The following BTBD3 variants were observed in gnomAD, a reference collection of about 807,000 sequenced individuals.
BTBD3 encodes the protein BTB domain containing 3.
A neutral mutation model predicts 41.6 loss-of-function variants in BTBD3; 14 were observed. The ratio of observed to expected loss-of-function variants is 0.34; its 90% confidence interval spans 0.22 to 0.53. The LOEUF is 0.53. BTBD3 is among the 20% of genes least tolerant of loss of function. The pLI, the probability that BTBD3 is intolerant of heterozygous loss-of-function variation, is 0.95. For missense variants in BTBD3, 426 were observed against 654.7 expected, an observed-to-expected ratio of 0.65 and a Z score of 3.81; for synonymous variants, 249 against 233.7, an observed-to-expected ratio of 1.07 and a Z score of -0.60.
intron 1 of BTBD3, among the ~76,000 whole-genome samples, chr20:11,898,990 T>C (rs538514377): frequency 6.6e-6 from 1 of 152,320 alleles, no homozygotes; most frequent in African/African-American, 2.4e-5. Context: ...TGGCATCACC[T>C]GGGAGCTTTT....
At chr20:11,894,291 A>G (rs570030243) in intron 1 of BTBD3, among the ~76,000 whole-genome samples, 1 of 152,326 alleles carries the variant, frequency 6.6e-6, no homozygotes, top group Admixed American at 6.5e-5. Context: ...GGATTTACTC[A>G]GGTTAGATTT....
In BTBD3 at chr20:11,923,669, A is replaced by T; in HGVS notation, c.*3A>T. 6.3e-7 allele frequency: 1 copy of T among 1,576,780 alleles called. No individual in the cohort carries two copies. The highest frequency in any genetic ancestry group is 8.6e-7 in the Non-Finnish European group (1 of 1,160,568). ...CTGAACTTATATTCTATGCTTGAAA[A>T]CTCACTTCCTGAAGCAGCTTGAGCT... On this transcript the variant is annotated 3_prime_UTR_variant, in exon 4 of 4. Coordinates refer to ENST00000378226, the MANE Select transcript of BTBD3 (RefSeq NM_014962.4). The surrounding 1 kb of genome is among the most constrained non-coding windows in gnomAD (Gnocchi z 5.3).
rs1020509150 is a variant in BTBD3 at position 11,922,569 on chromosome 20, A to G, written c.537-65A>G. 9 of 1,448,204 alleles carry G rather than the reference A, an allele frequency of 6.2e-6. No homozygotes were observed. In the African/African-American group the frequency reaches 1.1e-4, roughly 18 times the overall value. 89.7% of individuals were successfully genotyped at this position (1,448,204 alleles called of 1,614,324 possible). A position where few individuals can be genotyped will look rare whatever the true frequency, so the allele number is the denominator to read the frequency against. ...TCAGAACAAACTTGAAAGTGGTTGT[A>G]TCTTTTCTTGCTGGATGTACTCATT... On this transcript the variant is annotated intron_variant, in intron 3 of 3. Transcript: ENST00000378226.
Position 11,923,754 on chromosome 20 carries a change from C to G in BTBD3, c.*88C>G, listed in dbSNP as rs1055785303. On this transcript the variant is annotated 3_prime_UTR_variant, in exon 4 of 4. Coordinates refer to ENST00000378226, the MANE Select transcript of BTBD3 (RefSeq NM_014962.4). This position sits in a 1 kb window ranked among gnomAD's most constrained non-coding sequence, Gnocchi z 5.3. ...CTTAGCTCATCTGCAAATATGTGAT[C>G]AGTGCCGGTAATTTGTAATGAATGA... is the stretch of plus-strand genomic sequence containing the variant. 7.9e-6 allele frequency: 10 copies of G among 1,261,986 alleles called. No individual in the cohort carries two copies. The highest frequency in any genetic ancestry group is 9.9e-6 in the Non-Finnish European group (9 of 908,894). The allele number at this position is 1,261,986 out of a possible 1,614,324, so 78.2% of individuals were successfully genotyped here. A position where few individuals can be genotyped will look rare whatever the true frequency, so the allele number is the denominator to read the frequency against.
At chr20:11,891,609 G>A (rs1051249952) in intron 1 of BTBD3, among the ~76,000 whole-genome samples, 6 of 152,138 alleles carry the variant, frequency 3.9e-5, no homozygotes, top group Non-Finnish European at 8.8e-5. Context: ...TGGCATTTGT[G>A]GCCCGTTTGC....
chr20:11,914,525 T>C (rs979236949), upstream of BTBD3, among the ~76,000 whole-genome samples: 18 of 152,130 alleles, frequency 1.2e-4, no homozygotes, highest in African/African-American at 4.1e-4. Context: ...TGGTGGTCCC[T>C]AGTCTGAATT....
Position 11,923,398 on chromosome 20 carries a change from T to C in BTBD3, c.1301T>C (p.Val434Ala). 1 of 1,614,200 alleles carries C rather than the reference T, an allele frequency of 6.2e-7. No individual in the cohort carries two copies. Among genetic ancestry groups the C allele is most frequent in the Non-Finnish European group, 8.5e-7 (1 of 1,180,028 alleles). Reference sequence around the variant, plus strand: ...ATTGAACTTAAGCGGCAGGGCGTTGTCCTGGGGCAGAACTTGAGCAAGTAC... The same window carrying C: ...ATTGAACTTAAGCGGCAGGGCGTTGCCCTGGGGCAGAACTTGAGCAAGTAC... ...AKIELKRQGV[V>A]LGQNLSKYFS... Residue 434 changes from valine to alanine, a missense_variant, in exon 4 of 4, where the codon GTC (valine) becomes GCC (alanine). Coordinates refer to ENST00000378226, the MANE Select transcript of BTBD3 (RefSeq NM_014962.4). This position sits in a 1 kb window ranked among gnomAD's most constrained non-coding sequence, Gnocchi z 5.3.
Position 11,923,671 on chromosome 20 carries a change from T to G in BTBD3, c.*5T>G, listed in dbSNP as rs1353718164. The stretch of plus-strand genomic sequence containing the variant: ...GAACTTATATTCTATGCTTGAAAAC[T>G]CACTTCCTGAAGCAGCTTGAGCTCC... On this transcript the variant is annotated 3_prime_UTR_variant, in exon 4 of 4. Transcript: ENST00000378226. This position sits in a 1 kb window ranked among gnomAD's most constrained non-coding sequence, Gnocchi z 5.3. 6.3e-7 allele frequency: 1 copy of G among 1,579,430 alleles called. No homozygotes were observed. Among genetic ancestry groups the G allele is most frequent in the Non-Finnish European group, 8.6e-7 (1 of 1,162,216 alleles).
intron 1 of BTBD3, among the ~76,000 whole-genome samples, chr20:11,895,509 G>A (rs1041826914): frequency 3.3e-5 from 5 of 152,102 alleles, no homozygotes; most frequent in Non-Finnish European, 7.4e-5. Context: ...GTCTTCTTGG[G>A]CTGGTCAGAG....
chr20:11,901,187 G>T (rs1313296793), intron 1 of BTBD3, among the ~76,000 whole-genome samples: 1 of 152,204 alleles, frequency 6.6e-6, no homozygotes, highest in South Asian at 2.1e-4. Flanking sequence ...CAGGATGCAG[G>T]TTCAGGCTAC....
At chr20:11,891,695 C>G (rs1239384268) in intron 1 of BTBD3, among the ~76,000 whole-genome samples, 1 of 152,174 alleles carries the variant, frequency 6.6e-6, no homozygotes, top group African/African-American at 2.4e-5. Context: ...GCTTTTACCT[C>G]CTGGCCTTTT....
chr20:11,897,750 T>C (rs980929516), intron 1 of BTBD3, among the ~76,000 whole-genome samples: 2 of 152,232 alleles, frequency 1.3e-5, no homozygotes, highest in African/African-American at 4.8e-5. Flanking sequence ...TGATTTTCCA[T>C]CTGCTTAACA....
chr20:11,898,117 G>A (rs796638955), intron 1 of BTBD3, among the ~76,000 whole-genome samples: 14 of 152,266 alleles, frequency 9.2e-5, no homozygotes, highest in African/African-American at 3.1e-4. Flanking sequence ...AGCCGAGATC[G>A]TGCCATTGCA....
intron 2 of BTBD3, 184 bp downstream of exon 2, chr20:11,919,360 T>C (rs2056945315): frequency 2.1e-6 from 3 of 1,416,194 alleles, no homozygotes; most frequent in Admixed American, 3.0e-5. Context: ...TGTTTCCTTC[T>C]ATACTGCTTT....
In BTBD3 at chr20:11,922,838, G is replaced by C. The variant is rs2056982880; in HGVS notation, c.741G>C (p.Val247=). The change falls in exon 4 of 4, where the codon GTG becomes GTC. Residue 247 remains valine (V), a synonymous_variant. Coordinates refer to ENST00000378226, the MANE Select transcript of BTBD3 (RefSeq NM_014962.4). ...ACCTGACCCAGCGTTGCTGGGAGGT[G>C]ATTGATGCCCAGGCTGAGTTAGCTC... ...EPDLTQRCWE[V]IDAQAELALK... is the part of the protein sequence containing the mutation. The C allele has an allele frequency of 1.2e-6, 2 of 1,614,106 alleles. No individual in the cohort carries two copies. The highest frequency in any genetic ancestry group is 2.7e-5 in the African/African-American group (2 of 74,926).
At chr20:11,902,467 A>T (rs1258647907) in intron 1 of BTBD3, among the ~76,000 whole-genome samples, 1 of 152,104 alleles carries the variant, frequency 6.6e-6, no homozygotes, top group Non-Finnish European at 1.5e-5. Context: ...TATGGGTCTC[A>T]TGATGTTATT....
At chr20:11,908,522 T>C (rs2056870275) in intron 1 of BTBD3, among the ~76,000 whole-genome samples, 1 of 152,026 alleles carries the variant, frequency 6.6e-6, no homozygotes, top group South Asian at 2.1e-4. Flanking sequence ...AGTCCCCACT[T>C]TAAGTGAGAC....
exon 1 of BTBD3, chr20:11,890,908 A>G: frequency 1.0e-6 from 1 of 984,754 alleles, no homozygotes; most frequent in Non-Finnish European, 1.2e-6. Flanking sequence ...GGCACAGGGC[A>G]AGGCGGCGGA....
At chr20:11,913,016 A>C (rs1029498834), upstream of BTBD3, among the ~76,000 whole-genome samples, 1 of 152,240 alleles carries the variant, frequency 6.6e-6, no homozygotes, top group African/African-American at 2.4e-5. Flanking sequence ...TTGAAGGGAC[A>C]AATAAGCAAA....
Sources: allele counts gnomAD v4.1 joint callset (sites outside exome capture counted in the v4.1 genomes callset), GRCh38; gene constraint gnomAD v4.1.1; non-coding constraint Gnocchi (gnomAD v3.1); transcripts MANE v1.5; gene names NCBI Gene and HGNC (gene_info 2026-07-23, HGNC 2026-07-21).